Variants in FAF1 observed in about 807,000 individuals in gnomAD.
FAF1 encodes Fas associated factor 1.
Under a neutral mutation model 92.5 loss-of-function variants are expected in FAF1, and 25 were observed. That is an observed-to-expected ratio of 0.27 (90% CI 0.20 to 0.38). FAF1 has a LOEUF of 0.38. Ranked by LOEUF, FAF1 falls within the 10% of genes least tolerant of loss-of-function variation. The pLI is 1.00. For synonymous variants in FAF1, 234 were observed against 273.2 expected (o/e 0.86, Z 1.42); for missense variants, 636 against 793.3 (o/e 0.80, Z 2.38).
At chr1:50,895,849 T>A (rs1223970975) in intron 1 of FAF1, among the ~76,000 whole-genome samples, 1 of 152,000 alleles carries the variant, frequency 6.6e-6, no homozygotes, top group Non-Finnish European at 1.5e-5. Context: ...CATCCCTTCA[T>A]GATTTTAAAA....
At chr1:50,836,839 C>A (rs1644209614) in intron 2 of FAF1, among the ~76,000 whole-genome samples, 1 of 151,596 alleles carries the variant, frequency 6.6e-6, no homozygotes, top group South Asian at 2.1e-4. Flanking sequence ...ACCACAATAT[C>A]ATTATCAAAG....
intron 1 of FAF1, among the ~76,000 whole-genome samples, chr1:50,896,897 AC>A (rs1225421635): frequency 6.6e-6 from 1 of 152,166 alleles, no homozygotes; most frequent in Non-Finnish European, 1.5e-5. Flanking sequence ...TATACTTAAT[AC>A]CACTGGATCT....
chr1:50,456,951 T>C (rs547899119), intron 18 of FAF1, among the ~76,000 whole-genome samples: 1 of 152,336 alleles, frequency 6.6e-6, no homozygotes, highest in African/African-American at 2.4e-5. Context: ...ACCTTCACTT[T>C]GTGACTATGT....
At chr1:50,957,699 T>C (rs904316476) in intron 1 of FAF1, among the ~76,000 whole-genome samples, 1 of 152,122 alleles carries the variant, frequency 6.6e-6, no homozygotes, top group Non-Finnish European at 1.5e-5. Flanking sequence ...AAAATCTTGC[T>C]TTGCCTGAGT....
At chr1:50,686,582 G>T (rs1656668270) in intron 7 of FAF1, among the ~76,000 whole-genome samples, 1 of 126,776 alleles carries the variant, frequency 7.9e-6, no homozygotes, top group Admixed American at 8.4e-5. Context: ...GAGGGAAGGG[G>T]AGAGGAGGGA....
rs1197342810 is a variant in FAF1 at position 50,639,933 on chromosome 1, C to CAAAAAAAAAAAAAAAA, written c.744+15493_744+15508dup. On this transcript the variant is annotated intron_variant, in intron 8 of 18. Transcript: ENST00000396153. ...TGGGTGACAGAGCAAGACTCGATCT[C>CAAAAAAAAAAAAAAAA]AAAAAAAAAAAAAAAAAAAGTAACA... Among the ~76,000 whole-genome samples, 11 of 70,148 alleles carry CAAAAAAAAAAAAAAAA rather than the reference C, an allele frequency of 1.6e-4. 1 individual carries two copies. The highest frequency in any genetic ancestry group is 5.2e-4 in the African/African-American group (11 of 21,356). The allele number at this position is 70,148 out of a possible 152,430, so 46.0% of individuals were successfully genotyped here. A position where few individuals can be genotyped will look rare whatever the true frequency, so the allele number is the denominator to read the frequency against.
chr1:50,949,451 A>T (rs1185137557), intron 1 of FAF1, among the ~76,000 whole-genome samples: 2 of 152,226 alleles, frequency 1.3e-5, no homozygotes, highest in Admixed American at 1.3e-4. Context: ...TGTGACAACC[A>T]AAGTGTTTCC....
intron 8 of FAF1, among the ~76,000 whole-genome samples, chr1:50,633,302 C>A (rs61781022): frequency 7.2e-5 from 11 of 152,178 alleles, no homozygotes; most frequent in Non-Finnish European, 1.0e-4. Flanking sequence ...TGTATTGATT[C>A]TTTAAAGTTT....
chr1:50,628,498 G>A (rs1242586170), intron 8 of FAF1, among the ~76,000 whole-genome samples: 2 of 152,112 alleles, frequency 1.3e-5, no homozygotes, highest in South Asian at 2.1e-4. Context: ...TTTAACTGGG[G>A]ATATTTAATA....
chr1:50,687,839 G>T (rs941447980), intron 7 of FAF1, among the ~76,000 whole-genome samples: 1 of 151,746 alleles, frequency 6.6e-6, no homozygotes. Flanking sequence ...CCATTAGAAT[G>T]GCTATTCTAA....
chr1:50,677,131 C>A lies in FAF1; in HGVS notation c.658-21603G>T, dbSNP rs531075339. On this transcript the variant is annotated intron_variant, in intron 7 of 18. Coordinates refer to ENST00000396153, the MANE Select transcript of FAF1 (RefSeq NM_007051.3). The stretch of plus-strand genomic sequence containing the variant: ...ATAATATTATTAAGATAAACCCATA[C>A]ACAAAGAAAAATGGGTAACTTCACT... Among the ~76,000 whole-genome samples the A allele has an allele frequency of 2.6e-5, 4 of 152,122 alleles. No individual in the cohort carries two copies. The South Asian group carries it at 8.3e-4, about 32-fold the overall frequency.
intron 7 of FAF1, among the ~76,000 whole-genome samples, chr1:50,670,377 G>A (rs546975027): frequency 3.6e-4 from 55 of 151,844 alleles, no homozygotes; most frequent in African/African-American, 1.2e-3. Context: ...TGTGAGCCAC[G>A]GCGCCTGGCC....
intron 3 of FAF1, among the ~76,000 whole-genome samples, chr1:50,792,790 C>T (rs972706617): frequency 7.2e-5 from 11 of 152,050 alleles, no homozygotes; most frequent in African/African-American, 2.7e-4. Context: ...GGAGATGACA[C>T]GATTGAGAAA....
chr1:50,716,651 G>A (rs936541548), intron 6 of FAF1, among the ~76,000 whole-genome samples: 2 of 152,070 alleles, frequency 1.3e-5, no homozygotes, highest in Non-Finnish European at 1.5e-5. Context: ...CTGTAAAAAC[G>A]CACCAATCAG....
rs117438533 is a variant in FAF1, at chr1:50,720,598, G to A, written c.552-14707C>T. Among the ~76,000 whole-genome samples, 33 of 152,268 alleles carry A rather than the reference G, an allele frequency of 2.2e-4. No individual in the cohort carries two copies. In the East Asian group the frequency reaches 5.2e-3, roughly 24 times the overall value. On this transcript the variant is annotated intron_variant, in intron 6 of 18. Coordinates refer to ENST00000396153, the MANE Select transcript of FAF1 (RefSeq NM_007051.3). ...TTGAACTGAGGGCACTTGGGGAACA[G>A]CTGACACAAACACAGGCTTTCTATG...
At chr1:50,904,524 G>A (rs1347767937) in intron 1 of FAF1, among the ~76,000 whole-genome samples, 3 of 152,124 alleles carry the variant, frequency 2.0e-5, no homozygotes, top group Non-Finnish European at 4.4e-5. Context: ...TTTATGTTAT[G>A]TATACTTCAT....
At chr1:50,608,214 T>TTC (rs1445565789) in intron 8 of FAF1, among the ~76,000 whole-genome samples, 1 of 152,234 alleles carries the variant, frequency 6.6e-6, no homozygotes, top group African/African-American at 2.4e-5. Flanking sequence ...GGGCAGTAAC[T>TTC]TCTGGGTGTT....
intron 2 of FAF1, among the ~76,000 whole-genome samples, chr1:50,847,379 T>C (rs1184621235): frequency 2.1e-5 from 3 of 143,702 alleles, no homozygotes; most frequent in African/African-American, 5.2e-5. Context: ...CTAAGCCAGA[T>C]GGGTAATTAC....
chr1:50,873,745 C>T (rs1238609701), intron 1 of FAF1, among the ~76,000 whole-genome samples: 1 of 152,202 alleles, frequency 6.6e-6, no homozygotes. Context: ...CAAGGGCTCT[C>T]GGCACACTGC....
Sources: allele counts gnomAD v4.1 joint callset (sites outside exome capture counted in the v4.1 genomes callset), GRCh38; gene constraint gnomAD v4.1.1; transcripts MANE v1.5; gene names NCBI Gene and HGNC (gene_info 2026-07-23, HGNC 2026-07-21).